MAGI2: variants seen among roughly 807,000 people sequenced by gnomAD.
MAGI2 encodes the protein membrane associated guanylate kinase, WW and PDZ domain containing 2.
MAGI2 carries 35 observed loss-of-function variants against 133.3 expected under a neutral mutation model. The observed-to-expected ratio is 0.26, with a 90% CI of 0.20 to 0.35. The LOEUF is 0.35. Among genes scored for constraint, MAGI2 ranks in the 10% least tolerant of loss-of-function variants. MAGI2 has a pLI of 1.00. For missense variants in MAGI2, 1,636 were observed against 1,863.4 expected (o/e 0.88, Z 2.25); for synonymous variants, 729 against 710.6 (o/e 1.03, Z -0.41).
intron 6 of MAGI2, among the ~76,000 whole-genome samples, chr7:78,413,283 G>A (rs1032367719): frequency 6.6e-6 from 1 of 151,936 alleles, no homozygotes; most frequent in Non-Finnish European, 1.5e-5. Context: ...ATGTAATTCG[G>A]GTCAGCTGAA....
At chr7:79,177,240 G>T (rs1826182091) in intron 1 of MAGI2, 1 of 151,794 alleles carries the variant, frequency 6.6e-6, no homozygotes, top group South Asian at 2.1e-4. Flanking sequence ...TTGAATTTCT[G>T]TATTTGCCTT....
intron 2 of MAGI2, among the ~76,000 whole-genome samples, chr7:78,641,702 TA>T (rs1810331872): frequency 6.6e-6 from 1 of 152,164 alleles, no homozygotes; most frequent in African/African-American, 2.4e-5. Flanking sequence ...AATTTTTTTT[TA>T]AACTTCTTCA....
At chr7:78,703,832 A>AC (rs1491375955) in intron 2 of MAGI2, among the ~76,000 whole-genome samples, 3,527 of 25,602 alleles carry the variant, frequency 0.14, 141 homozygotes, top group African/African-American at 0.3. Flanking sequence ...ATACACACAC[A>AC]AACACACACA....
chr7:78,973,557 T>G (rs1263484608), intron 2 of MAGI2, among the ~76,000 whole-genome samples: 2 of 151,828 alleles, frequency 1.3e-5, no homozygotes, highest in Non-Finnish European at 2.9e-5. Flanking sequence ...ACTTTTTTTT[T>G]TTGTTATGAA....
At chr7:79,089,803 T>C (rs1420532127) in intron 1 of MAGI2, among the ~76,000 whole-genome samples, 2 of 151,826 alleles carry the variant, frequency 1.3e-5, no homozygotes, top group African/African-American at 2.4e-5. Context: ...TGAGAACACA[T>C]GGTCACAGGG....
chr7:78,827,412 A>G lies in MAGI2; in HGVS notation c.418+179678T>C, dbSNP rs140659208. Among the ~76,000 whole-genome samples the G allele has an allele frequency of 2.6e-5, 4 of 151,766 alleles. No homozygotes were observed. The East Asian group carries it at 7.8e-4, about 30-fold the overall frequency. ...TCCTGCCTCAGCCTCCTGAATAGCTAGGACTACAGGTGCACACCACCATTC... is the reference window on the plus strand; with the variant it reads ...TCCTGCCTCAGCCTCCTGAATAGCTGGGACTACAGGTGCACACCACCATTC... On this transcript the variant is annotated intron_variant, in intron 2 of 21. Coordinates refer to ENST00000354212, the MANE Select transcript of MAGI2 (RefSeq NM_012301.4).
intron 3 of MAGI2, among the ~76,000 whole-genome samples, chr7:78,551,472 G>T (rs567085276): frequency 6.6e-6 from 1 of 152,024 alleles, no homozygotes; most frequent in African/African-American, 2.4e-5. Context: ...AGATCTTATT[G>T]CTTGCTTACT....
intron 2 of MAGI2, among the ~76,000 whole-genome samples, chr7:78,662,571 T>C (rs1027930716): frequency 6.6e-6 from 1 of 152,166 alleles, no homozygotes; most frequent in East Asian, 1.9e-4. Context: ...TATCATCTAA[T>C]TGCCAAATTT....
At chr7:78,062,691 T>C (rs911808948) in intron 21 of MAGI2, among the ~76,000 whole-genome samples, 1 of 152,238 alleles carries the variant, frequency 6.6e-6, no homozygotes, top group Non-Finnish European at 1.5e-5. Flanking sequence ...GCCCCACTTA[T>C]GGCTCCAAGT....
chr7:79,007,240 T>C (rs1807549260), intron 1 of MAGI2, 34 bp from the exon 2 acceptor site: 24 of 1,241,746 alleles, frequency 1.9e-5, no homozygotes, highest in Non-Finnish European at 2.7e-5. Flanking sequence ...GTAAGGGATG[T>C]TGGAAAATAT....
At chr7:78,177,765 C>T (rs749554150) in intron 14 of MAGI2, among the ~76,000 whole-genome samples, 5 of 151,750 alleles carry the variant, frequency 3.3e-5, no homozygotes, top group African/African-American at 7.3e-5. Flanking sequence ...GGAATTCAAT[C>T]GATTCTAAAA....
intron 2 of MAGI2, among the ~76,000 whole-genome samples, chr7:78,963,982 G>T (rs1288261224): frequency 6.6e-6 from 1 of 151,920 alleles, no homozygotes; most frequent in Non-Finnish European, 1.5e-5. Context: ...AGTCTGTTTG[G>T]GAGGGGAATG....
intron 1 of MAGI2, among the ~76,000 whole-genome samples, chr7:79,406,634 A>T: frequency 6.6e-6 from 1 of 152,092 alleles, no homozygotes; most frequent in East Asian, 1.9e-4. Context: ...AGGCAATATA[A>T]TCATTTTTTC....
chr7:78,324,961 C>T (rs74844389), intron 9 of MAGI2, among the ~76,000 whole-genome samples: 3,222 of 152,112 alleles, frequency 0.021, 130 homozygotes, highest in African/African-American at 0.074. Flanking sequence ...AGCAAAACTC[C>T]GTCTCAAAGA....
At chr7:79,367,642 T>C (rs1842782961) in intron 1 of MAGI2, among the ~76,000 whole-genome samples, 1 of 151,998 alleles carries the variant, frequency 6.6e-6, no homozygotes, top group African/African-American at 2.4e-5. Flanking sequence ...TGAGATAATC[T>C]GTATGTTTTT....
At chr7:78,156,988 G>C (rs979420566) in intron 16 of MAGI2, among the ~76,000 whole-genome samples, 1 of 152,330 alleles carries the variant, frequency 6.6e-6, no homozygotes. Context: ...GTCAGTCTCA[G>C]AGAGCCCAAA....
chr7:79,429,514 A>T (rs147577477), intron 1 of MAGI2, among the ~76,000 whole-genome samples: 1 of 152,108 alleles, frequency 6.6e-6, no homozygotes, highest in African/African-American at 2.4e-5. Flanking sequence ...CATGTTGGCC[A>T]GGCTGGTCTC....
intron 1 of MAGI2, among the ~76,000 whole-genome samples, chr7:79,379,215 G>T (rs1001266511): frequency 6.7e-6 from 1 of 149,916 alleles, no homozygotes; most frequent in Non-Finnish European, 1.5e-5. Context: ...TGTGGTGTTT[G>T]GTTTTTTGTC....
intron 6 of MAGI2, among the ~76,000 whole-genome samples, chr7:78,380,165 A>G (rs931073477): frequency 8.1e-5 from 12 of 149,034 alleles, no homozygotes; most frequent in African/African-American, 3.0e-4. Context: ...ACACACACAC[A>G]CGAGGAAAAC....
Sources: allele counts gnomAD v4.1 joint callset (sites outside exome capture counted in the v4.1 genomes callset), GRCh38; gene constraint gnomAD v4.1.1; transcripts MANE v1.5; gene names NCBI Gene and HGNC (gene_info 2026-07-23, HGNC 2026-07-21).